The following SH3D19 variants were observed in gnomAD, a reference collection of about 807,000 sequenced individuals.
The protein encoded by SH3D19 is SH3 domain-containing protein 19.
In SH3D19, 58 loss-of-function variants were observed where a neutral mutation model predicts 112.1. That is an observed-to-expected ratio of 0.52 (90% CI 0.42 to 0.64). SH3D19 has a LOEUF of 0.64. Ranked by LOEUF, SH3D19 falls within the 30% of genes least tolerant of loss-of-function variation. The probability of loss-of-function intolerance (pLI) is 0.00; values close to 1 mark genes in which losing one functional copy is unlikely to be tolerated. For synonymous variants in SH3D19, 391 were observed against 448.5 expected, an observed-to-expected ratio of 0.87 and a Z score of 1.62; for missense variants, 1,090 against 1,263.4, an observed-to-expected ratio of 0.86 and a Z score of 2.08.
intron 19 of SH3D19, among the ~76,000 whole-genome samples, chr4:151,123,071 C>T (rs978325590): frequency 1.3e-5 from 2 of 152,128 alleles, no homozygotes; most frequent in African/African-American, 4.8e-5. Context: ...AGGCTGGTCT[C>T]AAACTCCTGA....
In SH3D19 at chr4:151,159,348, T is replaced by C. The variant is rs914632829; in HGVS notation, c.1647A>G (p.Leu549=). ...GAGGTGGACTTTGTGGATCCTCATG[T>C]AAACCTGGAAAAAGTAGCAGTAATT... ...IRIPAKPGKC[L]HEDPQSPPPL... The change falls in exon 9 of 20, where the codon TTA becomes TTG. Residue 549 remains leucine (L), a synonymous_variant. Transcript: ENST00000604030. The C allele has an allele frequency of 2.6e-6, 4 of 1,557,304 alleles. No homozygotes were observed. The highest frequency in any genetic ancestry group is 3.5e-6 in the Non-Finnish European group (4 of 1,148,844).
rs368526545 is a variant in SH3D19, at chr4:151,174,980, G to A, written c.1224C>T (p.Ser408=). ...TTGGCACTTTCTTCCCACTATCAGA[G>A]CTCTCAGCCAGGGGCCCTCTTCCCG... ...EIPGRGPLAE[S]SDSGKKVPTP... is the part of the protein sequence containing the mutation. The change falls in exon 7 of 20, where the codon AGC becomes AGT. Residue 408 remains serine (S), a synonymous_variant. Transcript: ENST00000604030. The A allele has an allele frequency of 9.8e-5, 158 of 1,614,094 alleles. 1 individual carries two copies. The highest frequency in any genetic ancestry group is 2.2e-4 in the South Asian group (20 of 91,092).
chr4:151,216,425 A>T (rs1427111537), intron 2 of SH3D19, among the ~76,000 whole-genome samples: 1 of 152,206 alleles, frequency 6.6e-6, no homozygotes, highest in Non-Finnish European at 1.5e-5. Flanking sequence ...GGCCACAAAG[A>T]TGTATACAAA....
intron 1 of SH3D19, among the ~76,000 whole-genome samples, chr4:151,267,182 T>A (rs111738842): frequency 0.011 from 696 of 62,648 alleles, 28 homozygotes; most frequent in Non-Finnish European, 0.016. Flanking sequence ...ATAAATAAAA[T>A]AAATTAGTCT....
At position 151,153,017 on chromosome 4, in the gene SH3D19, G is replaced by A. The variant is rs1204521586; in HGVS notation, c.1756-3456C>T. On this transcript the variant is annotated intron_variant, in intron 9 of 19. Coordinates refer to ENST00000604030, the MANE Select transcript of SH3D19 (RefSeq NM_001378122.1). Reference sequence around the variant, plus strand: ...CACCCGGCTAATTTTTGTATTTTTAGTAGAGATGGGGTTTCACCATTTTGG... The same window carrying A: ...CACCCGGCTAATTTTTGTATTTTTAATAGAGATGGGGTTTCACCATTTTGG... Among the ~76,000 whole-genome samples, 6 of 151,632 alleles carry A rather than the reference G, an allele frequency of 4.0e-5. No homozygotes were observed. In the South Asian group the frequency reaches 1.3e-3, roughly 32 times the overall value.
At chr4:151,226,199 A>C (rs1768966078) in intron 1 of SH3D19, 113 bp from the exon 2 acceptor site, 1 of 1,228,196 alleles carries the variant, frequency 8.1e-7, no homozygotes, top group East Asian at 3.2e-5. Context: ...GTTCAAAGGT[A>C]GTTGTGTCTT....
chr4:151,139,681 G>T, intron 13 of SH3D19, 94 bp downstream of exon 13: 2 of 1,092,516 alleles, frequency 1.8e-6, no homozygotes, highest in Non-Finnish European at 2.7e-6. Flanking sequence ...ACAGAAAAAT[G>T]AAGAAGGATG....
At chr4:151,180,552 G>A (rs866377661) in intron 3 of SH3D19, among the ~76,000 whole-genome samples, 4 of 151,142 alleles carry the variant, frequency 2.6e-5, no homozygotes, top group East Asian at 3.9e-4. Context: ...GACTACAGGC[G>A]CCCGCGACCA....
chr4:151,283,375 G>A (rs1296647358), intron 1 of SH3D19: 3 of 1,186,910 alleles, frequency 2.5e-6, no homozygotes, highest in African/African-American at 3.0e-5. Flanking sequence ...AGTGGATTGG[G>A]AGTCAGGAGA....
chr4:151,281,665 CTTG>C (rs1336138588), intron 1 of SH3D19, among the ~76,000 whole-genome samples: 1 of 133,108 alleles, frequency 7.5e-6, no homozygotes, highest in Non-Finnish European at 1.7e-5. Context: ...GGGCAGAGAA[CTTG>C]TTATTTATTT....
chr4:151,217,753 C>T (rs1446013506), intron 2 of SH3D19, among the ~76,000 whole-genome samples: 1 of 151,968 alleles, frequency 6.6e-6, no homozygotes, highest in African/African-American at 2.4e-5. Flanking sequence ...TCATTTCTAA[C>T]TGCAATGAAT....
chr4:151,125,845 C>CAAAAAAAAAAAAAA (rs66688611), intron 19 of SH3D19, among the ~76,000 whole-genome samples: 5 of 94,238 alleles, frequency 5.3e-5, no homozygotes, highest in Admixed American at 1.4e-4. Context: ...ATCTCAAAAA[C>CAAAAAAAAAAAAAA]AAAAAAAAAA....
chr4:151,292,265 C>T (rs1020952049), intron 1 of SH3D19, among the ~76,000 whole-genome samples: 5 of 150,878 alleles, frequency 3.3e-5, no homozygotes, highest in African/African-American at 1.2e-4. Context: ...CATCACTGCA[C>T]TCCAGACTGG....
intron 4 of SH3D19, among the ~76,000 whole-genome samples, chr4:151,177,218 T>C (rs1760087753): frequency 1.3e-5 from 2 of 152,226 alleles, no homozygotes; most frequent in South Asian, 2.1e-4. Context: ...TCTGCCTTGG[T>C]TGATAAGGAT....
intron 2 of SH3D19, among the ~76,000 whole-genome samples, chr4:151,205,592 C>A (rs183781051): frequency 2.0e-5 from 3 of 152,172 alleles, no homozygotes; most frequent in Non-Finnish European, 2.9e-5. Flanking sequence ...ATTCTACCCA[C>A]TAGGTCTAAA....
intron 1 of SH3D19, among the ~76,000 whole-genome samples, chr4:151,258,952 G>C (rs1772158247): frequency 1.5e-5 from 2 of 131,624 alleles, no homozygotes; most frequent in South Asian, 4.5e-4. Flanking sequence ...CCAGAATGGG[G>C]TAAGCCCTAG....
chr4:151,196,894 C>T (rs1428200174), intron 2 of SH3D19, among the ~76,000 whole-genome samples: 1 of 152,020 alleles, frequency 6.6e-6, no homozygotes, highest in African/African-American at 2.4e-5. Context: ...ATGAAAAATG[C>T]CCGACATCAT....
intron 12 of SH3D19, 153 bp from the exon 13 acceptor site, chr4:151,140,000 AG>A: frequency 1.8e-6 from 1 of 563,358 alleles, no homozygotes; most frequent in Non-Finnish European, 3.1e-6. Flanking sequence ...GAGCCAAACA[AG>A]GGAATTATTA....
chr4:151,236,216 C>G (rs375334247), intron 1 of SH3D19, among the ~76,000 whole-genome samples: 101 of 152,384 alleles, frequency 6.6e-4, no homozygotes, highest in Admixed American at 1.6e-3. Context: ...AGGCCAGAGC[C>G]GGCTCCCTCA....
Sources: allele counts gnomAD v4.1 joint callset (sites outside exome capture counted in the v4.1 genomes callset), GRCh38; gene constraint gnomAD v4.1.1; transcripts MANE v1.5; gene names NCBI Gene and HGNC (gene_info 2026-07-23, HGNC 2026-07-21).